CDH18: variants seen among roughly 807,000 people sequenced by gnomAD.
The protein encoded by CDH18 is cadherin-18.
A neutral mutation model predicts 67.9 loss-of-function variants in CDH18; 31 were observed. The ratio of observed to expected loss-of-function variants is 0.46; its 90% CI spans 0.34 to 0.62. The LOEUF (loss-of-function observed/expected upper bound fraction) is 0.62, where lower values mean the gene tolerates loss of function less well. Among genes scored for constraint, CDH18 ranks in the 20% least tolerant of loss-of-function variants. The pLI is 0.01. For missense variants in CDH18, 890 were observed against 975.5 expected, an observed-to-expected ratio of 0.91 and a Z score of 1.17; for synonymous variants, 362 against 347.2, an observed-to-expected ratio of 1.04 and a Z score of -0.48.
chr5:20,036,585 G>A (rs1489590504), intron 2 of CDH18, among the ~76,000 whole-genome samples: 2 of 151,900 alleles, frequency 1.3e-5, no homozygotes, highest in East Asian at 3.9e-4. Context: ...TATTTCACTA[G>A]GCATTCAGCT....
At position 19,717,059 on chromosome 5, in the gene CDH18, G is replaced by C. The variant is rs556958656; in HGVS notation, c.643+4288C>G. ...ACTGTCAATGATTTATACATTTCAT[G>C]TTAATTATGGTCAAAAGAGCTGATA... is the stretch of plus-strand genomic sequence containing the variant. On this transcript the variant is annotated intron_variant, in intron 5 of 12. Transcript: ENST00000382275. Among the ~76,000 whole-genome samples the C allele has an allele frequency of 2.6e-5, 4 of 152,112 alleles. No homozygotes were observed. The South Asian group carries it at 8.3e-4, about 32-fold the overall frequency.
chr5:20,490,296 G>T (rs1753510606), intron 1 of CDH18, among the ~76,000 whole-genome samples: 1 of 152,100 alleles, frequency 6.6e-6, no homozygotes, highest in African/African-American at 2.4e-5. Flanking sequence ...CTTAGTGGCA[G>T]TGAATTTTAT....
chr5:20,191,205 G>A (rs557362311), intron 2 of CDH18, among the ~76,000 whole-genome samples: 2 of 152,018 alleles, frequency 1.3e-5, no homozygotes, highest in South Asian at 2.1e-4. Context: ...TGAGTTATAC[G>A]CTCTGAAGTT....
intron 2 of CDH18, among the ~76,000 whole-genome samples, chr5:19,891,033 C>G (rs549083373): frequency 2.6e-5 from 4 of 152,276 alleles, no homozygotes; most frequent in African/African-American, 9.6e-5. Flanking sequence ...TAGTAAGACT[C>G]TAATATCCAA....
rs184568981 is a variant in CDH18 at position 19,941,820 on chromosome 5, T to C, written c.-257+39240A>G. Among the ~76,000 whole-genome samples, 106 of 151,986 alleles carry C rather than the reference T, an allele frequency of 7.0e-4. 2 individuals are homozygous for C. The highest frequency in any genetic ancestry group is 6.7e-3 in the Admixed American group (102 of 15,234). On this transcript the variant is annotated intron_variant, in intron 2 of 12. Transcript: ENST00000382275. ...AACAAAAAACAAAAAACAATCCTCA[T>C]CTACCCTGCCTAACTCCTAAGGTAT...
intron 2 of CDH18, among the ~76,000 whole-genome samples, chr5:20,154,293 T>C (rs1751356922): frequency 6.6e-6 from 1 of 152,190 alleles, no homozygotes; most frequent in African/African-American, 2.4e-5. Context: ...TTTACATGAT[T>C]TGAGAATGTT....
chr5:20,503,003 A>G (rs546057881), intron 1 of CDH18, among the ~76,000 whole-genome samples: 56 of 42,174 alleles, frequency 1.3e-3, no homozygotes, highest in African/African-American at 3.8e-3. Flanking sequence ...CTGAACTTAG[A>G]AAAAAAGGGG....
chr5:20,207,462 A>G (rs1248131217), intron 2 of CDH18, among the ~76,000 whole-genome samples: 1 of 152,088 alleles, frequency 6.6e-6, no homozygotes, highest in Non-Finnish European at 1.5e-5. Flanking sequence ...GCAATTTACA[A>G]AAGAAAGAGG....
At chr5:20,076,325 T>C (rs907587845) in intron 2 of CDH18, among the ~76,000 whole-genome samples, 4 of 152,078 alleles carry the variant, frequency 2.6e-5, no homozygotes, top group Admixed American at 2.6e-4. Flanking sequence ...TATTTAGATT[T>C]TTCAGATGAT....
chr5:19,711,950 A>AT (rs1331974765), intron 5 of CDH18, among the ~76,000 whole-genome samples: 1 of 152,148 alleles, frequency 6.6e-6, no homozygotes, highest in African/African-American at 2.4e-5. Flanking sequence ...AATGTGCTAC[A>AT]TATACACTGT....
chr5:19,681,499 C>T (rs184485995), intron 5 of CDH18, among the ~76,000 whole-genome samples: 15 of 152,036 alleles, frequency 9.9e-5, no homozygotes, highest in African/African-American at 3.4e-4. Context: ...TATATTGTGG[C>T]AGTGTCTCAA....
At chr5:20,544,716 G>A (rs959531979) in intron 1 of CDH18, among the ~76,000 whole-genome samples, 3 of 152,092 alleles carry the variant, frequency 2.0e-5, no homozygotes, top group Non-Finnish European at 4.4e-5. Context: ...CAACGTGTGA[G>A]GATTACAACC....
intron 1 of CDH18, among the ~76,000 whole-genome samples, chr5:20,473,714 C>A (rs2150243895): frequency 6.6e-6 from 1 of 152,200 alleles, no homozygotes; most frequent in East Asian, 1.9e-4. Flanking sequence ...AACAATAAAG[C>A]ACGATTTCTT....
chr5:19,849,341 C>A (rs1783377672), intron 2 of CDH18, among the ~76,000 whole-genome samples: 1 of 151,658 alleles, frequency 6.6e-6, no homozygotes, highest in Non-Finnish European at 1.5e-5. Flanking sequence ...CATTAAACAT[C>A]TAGAGTTAAT....
intron 2 of CDH18, among the ~76,000 whole-genome samples, chr5:19,880,863 G>A (rs950789857): frequency 6.6e-6 from 1 of 152,062 alleles, no homozygotes; most frequent in African/African-American, 2.4e-5. Context: ...ACTCTCAAAA[G>A]GAATGTTTCC....
At chr5:20,483,005 G>A (rs894935340) in intron 1 of CDH18, among the ~76,000 whole-genome samples, 2 of 151,850 alleles carry the variant, frequency 1.3e-5, no homozygotes, top group African/African-American at 4.8e-5. Flanking sequence ...CTTGTTTGTG[G>A]TATTATATTT....
At position 20,551,605 on chromosome 5, in the gene CDH18, A is replaced by G. The variant is rs369621449; in HGVS notation, c.-580+23857T>C. On this transcript the variant is annotated intron_variant, in intron 1 of 14. Transcript: ENST00000507958. ...TGGAGTTGAGTAACAACTCAACTCT[A>G]CAGCTGATCTCTGTTATTCAACTGG... Among the ~76,000 whole-genome samples, 19 of 152,280 alleles carry G rather than the reference A, an allele frequency of 1.2e-4. No homozygotes were observed. The East Asian group carries it at 3.1e-3, about 25-fold the overall frequency.
At position 20,144,669 on chromosome 5, in the gene CDH18, G is replaced by T. The variant is rs1454711935; in HGVS notation, c.-518+110775C>A. Among the ~76,000 whole-genome samples, 3 of 152,220 alleles carry T rather than the reference G, an allele frequency of 2.0e-5. No homozygotes were observed. In the East Asian group the frequency reaches 5.8e-4, roughly 29 times the overall value. On this transcript the variant is annotated intron_variant, in intron 2 of 14. Coordinates refer to the CDH18 transcript ENST00000507958. ...ATGTGAGAAGGGCATAAATTGGGGG[G>T]AGTCAAAAGAGATTATATTGGATTG...
intron 1 of CDH18, among the ~76,000 whole-genome samples, chr5:20,392,271 T>C (rs1158004792): frequency 6.6e-6 from 1 of 151,868 alleles, no homozygotes; most frequent in East Asian, 1.9e-4. Context: ...AAAAAGTTTT[T>C]AAAAATGTAA....
Sources: allele counts gnomAD v4.1 joint callset (sites outside exome capture counted in the v4.1 genomes callset), GRCh38; gene constraint gnomAD v4.1.1; transcripts MANE v1.5; gene names NCBI Gene and HGNC (gene_info 2026-07-23, HGNC 2026-07-21).